GDI2: variants seen among roughly 807,000 people sequenced by gnomAD.
GDI2 encodes GDP dissociation inhibitor 2, also known as rab GDP dissociation inhibitor beta.
GDI2 carries 22 observed loss-of-function variants against 54.2 expected under a neutral mutation model. That is an observed-to-expected ratio of 0.41 (90% CI 0.29 to 0.58). GDI2 has a LOEUF of 0.58. Among genes scored for constraint, GDI2 ranks in the 20% least tolerant of loss-of-function variants. GDI2 has a pLI of 0.35. For synonymous variants in GDI2, 177 were observed against 182.1 expected (o/e 0.97, Z 0.23); for missense variants, 422 against 546.0 (o/e 0.77, Z 2.26).
At chr10:5,795,792 G>A (rs1222375792) in intron 3 of GDI2, among the ~76,000 whole-genome samples, 3 of 152,118 alleles carry the variant, frequency 2.0e-5, no homozygotes, top group Non-Finnish European at 4.4e-5. Context: ...TTAGCCAGGT[G>A]TGGTGGAACA....
chr10:5,775,664 T>A (rs72772358), intron 6 of GDI2, among the ~76,000 whole-genome samples: 29,504 of 152,088 alleles, frequency 0.19, 3,237 homozygotes, highest in Admixed American at 0.26. Flanking sequence ...AGCGAAGGAA[T>A]CCACCAGAAA....
At position 5,776,277 on chromosome 10, in the gene GDI2, G is replaced by GTGAAAAGAC; in HGVS notation, c.720-2345_720-2337dup. On this transcript the variant is annotated intron_variant, in intron 6 of 10. Transcript: ENST00000380191. This position sits in a 1 kb window ranked among gnomAD's most constrained non-coding sequence, Gnocchi z 5.3. ...CAAGACAGGTGGAAAAGGGCCCAGC[G>GTGAAAAGAC]TGAAAAGACTGAAAGCCCAGCAGAA... is the stretch of plus-strand genomic sequence containing the variant. 2 of 529,276 alleles carry GTGAAAAGAC rather than the reference G, an allele frequency of 3.8e-6. No homozygotes were observed. Among genetic ancestry groups the GTGAAAAGAC allele is most frequent in the South Asian group, 4.2e-5 (2 of 48,076 alleles). The allele number at this position is 529,276 out of a possible 1,614,324, so 32.8% of individuals were successfully genotyped here.
At chr10:5,799,256 G>C (rs139549857) in intron 2 of GDI2, among the ~76,000 whole-genome samples, 295 of 152,296 alleles carry the variant, frequency 1.9e-3, no homozygotes, top group Admixed American at 5.6e-3. Context: ...AGGATCGTTT[G>C]AGCCCAGGAG....
At chr10:5,781,221 C>A (rs1434560936) in intron 6 of GDI2, among the ~76,000 whole-genome samples, 1 of 149,844 alleles carries the variant, frequency 6.7e-6, no homozygotes, top group Non-Finnish European at 1.5e-5. Context: ...CACACCAACA[C>A]TGTCTCAAGA....
intron 4 of GDI2, among the ~76,000 whole-genome samples, chr10:5,788,825 C>T (rs1027399766): frequency 1.3e-5 from 2 of 151,818 alleles, no homozygotes; most frequent in Non-Finnish European, 2.9e-5. Flanking sequence ...CGCAGTGGCG[C>T]GATTTCGGCT....
At chr10:5,805,865 G>A (rs1402052428) in intron 1 of GDI2, among the ~76,000 whole-genome samples, 2 of 152,222 alleles carry the variant, frequency 1.3e-5, no homozygotes, top group Admixed American at 6.5e-5. Context: ...CTCAGGTGTT[G>A]CAGATGCAGC....
chr10:5,800,668 T>C lies in GDI2; in HGVS notation c.83A>G (p.Lys28Arg), dbSNP rs777303485. Residue 28 changes from lysine (K) to arginine (R), a missense_variant, in exon 2 of 11, where the codon AAG becomes AGG. Coordinates refer to ENST00000380191, the MANE Select transcript of GDI2 (RefSeq NM_001494.4). ...ILSGIMSVNG[K>R]KVLHMDRNPY... ...GTTTCGATCCATATGAAGAACTTTCTTGCCATTCACTGACATTATACCTGA... is the reference window on the plus strand; with the variant it reads ...GTTTCGATCCATATGAAGAACTTTCCTGCCATTCACTGACATTATACCTGA... The C allele has an allele frequency of 6.3e-7, 1 of 1,597,290 alleles. No homozygotes were observed. Among genetic ancestry groups the C allele is most frequent in the South Asian group, 1.1e-5 (1 of 90,782 alleles).
chr10:5,787,287 T>C (rs1344763572), intron 4 of GDI2, among the ~76,000 whole-genome samples: 9 of 152,160 alleles, frequency 5.9e-5, no homozygotes, highest in Non-Finnish European at 1.2e-4. Flanking sequence ...GGTGGATCGC[T>C]TGAGGTCAGG....
chr10:5,783,526 T>C lies in GDI2; in HGVS notation c.719+1616A>G, dbSNP rs114328870. 5.9e-3 allele frequency among the ~76,000 whole-genome samples: 904 copies of C among 152,212 alleles called. 16 individuals carry two copies. Among genetic ancestry groups the C allele is most frequent in the African/African-American group, 0.021 (865 of 41,494 alleles). On this transcript the variant is annotated intron_variant, in intron 6 of 10. Transcript: ENST00000380191. ...CTGAACACCTTGTTTTTTTTCTTCA[T>C]TGTGTTATTGTTTTATAGGTCCTGT...
intron 6 of GDI2, 46 bp from the exon 7 acceptor site, chr10:5,773,987 ACTC>A (rs1564389157): frequency 1.3e-6 from 1 of 778,072 alleles, no homozygotes; most frequent in Non-Finnish European, 2.2e-6. Context: ...AGTTGTTTCA[ACTC>A]CTAAAGTCCC....
chr10:5,767,317 G>GTT (rs1840368625), intron 8 of GDI2, among the ~76,000 whole-genome samples: 4 of 131,138 alleles, frequency 3.1e-5, no homozygotes, highest in Non-Finnish European at 5.3e-5. Flanking sequence ...TTTTGTGATT[G>GTT]GTTTTTTTTT....
chr10:5,791,498 A>C (rs1020338927), intron 4 of GDI2, among the ~76,000 whole-genome samples: 1 of 152,158 alleles, frequency 6.6e-6, no homozygotes, highest in African/African-American at 2.4e-5. Context: ...CTGTAACCCC[A>C]GGTCTTTGGG....
Position 5,800,434 on chromosome 10 carries a change from T to G in GDI2, c.153+164A>C, listed in dbSNP as rs1176293038. On this transcript the variant is annotated intron_variant, in intron 2 of 10. Transcript: ENST00000380191. ...CTCCACATAGCAACAAAAGTCAAAA[T>G]GTAAATTTCTATGAGCTTCAAACCA... Among the ~76,000 whole-genome samples the G allele has an allele frequency of 2.0e-5, 3 of 152,196 alleles. No homozygotes were observed. In the South Asian group the frequency reaches 6.2e-4, roughly 31 times the overall value.
At chr10:5,797,543 CAAAAAAAAAAAAAA>C (rs772570487) in intron 2 of GDI2, among the ~76,000 whole-genome samples, 2 of 45,356 alleles carry the variant, frequency 4.4e-5, no homozygotes, top group Non-Finnish European at 7.7e-5. Flanking sequence ...GACTCCATCT[CAAAAAAAAAAAAAA>C]AAAAAAAAAA....
chr10:5,782,155 T>C (rs1488685375), intron 6 of GDI2, among the ~76,000 whole-genome samples: 1 of 152,144 alleles, frequency 6.6e-6, no homozygotes, highest in African/African-American at 2.4e-5. Context: ...CAATCCAATC[T>C]TTAGAAATGT....
chr10:5,805,542 G>A (rs1042040462), intron 1 of GDI2, among the ~76,000 whole-genome samples: 4 of 151,940 alleles, frequency 2.6e-5, no homozygotes, highest in Admixed American at 6.6e-5. Flanking sequence ...CACCACGCCT[G>A]CCAAATTTTT....
chr10:5,799,029 G>C (rs933698880), intron 2 of GDI2, among the ~76,000 whole-genome samples: 2 of 151,916 alleles, frequency 1.3e-5, no homozygotes, highest in African/African-American at 4.8e-5. Context: ...AAAATTGTGA[G>C]GAGATTTGTA....
chr10:5,773,771 A>C (rs933201687), intron 7 of GDI2, 71 bp downstream of exon 7: 4 of 754,166 alleles, frequency 5.3e-6, no homozygotes, highest in Non-Finnish European at 9.3e-6. Context: ...TCCACACCAA[A>C]ATCAATATTT....
intron 3 of GDI2, among the ~76,000 whole-genome samples, chr10:5,796,269 G>C (rs1266361974): frequency 6.6e-6 from 1 of 151,018 alleles, no homozygotes; most frequent in Admixed American, 6.6e-5. Context: ...AGAATTGCTT[G>C]AACCAGAAGG....
Sources: gnomAD v4.1 joint callset for allele counts (sites outside exome capture counted in the v4.1 genomes callset) on GRCh38, gnomAD v4.1.1 for gene constraint, Gnocchi (gnomAD v3.1) non-coding constraint, MANE v1.5 for transcripts, NCBI Gene and HGNC (gene_info 2026-07-23, HGNC 2026-07-21) for gene names.